KCND3: variants seen among roughly 807,000 people sequenced by gnomAD.
KCND3 encodes the protein A-type voltage-gated potassium channel KCND3.
KCND3 carries 9 observed loss-of-function variants against 51.1 expected under a neutral mutation model. That is an observed-to-expected ratio of 0.18 (90% confidence interval 0.11 to 0.31). The LOEUF is 0.31. Ranked by LOEUF, KCND3 falls within the 10% of genes least tolerant of loss-of-function variation. KCND3 has a pLI of 1.00. For synonymous variants in KCND3, 349 were observed against 368.0 expected (o/e 0.95, Z 0.59); for missense variants, 526 against 903.8 (o/e 0.58, Z 5.36).
rs1674929782 is a variant in KCND3 at position 111,981,240 on chromosome 1, T to G, written c.1106+381A>C. 6.6e-6 allele frequency among the ~76,000 whole-genome samples: 1 copy of G among 151,882 alleles called. No homozygotes were observed. The highest frequency in any genetic ancestry group is 2.1e-4 in the South Asian group (1 of 4,786). ...CCCTCCGAACTTCTCAACAGTCTCC[T>G]CCCTCCCCAACAACTGCCCTGACCT... is the stretch of plus-strand genomic sequence containing the variant. On this transcript the variant is annotated intron_variant, in intron 2 of 7. Coordinates refer to ENST00000302127, the MANE Select transcript of KCND3 (RefSeq NM_001378969.1). This position sits in a 1 kb window ranked among gnomAD's most constrained non-coding sequence, Gnocchi z 6.2.
In KCND3 at chr1:111,982,581, C is replaced by T. The variant is rs760055752; in HGVS notation, c.146G>A (p.Arg49Gln). The T allele has an allele frequency of 1.9e-6, 3 of 1,612,814 alleles. No homozygotes were observed. Among genetic ancestry groups the T allele is most frequent in the Non-Finnish European group, 2.5e-6 (3 of 1,179,012 alleles). Reference protein sequence around the residue: ...DELIVLNVSGRRFQTWRTTLE... With the variant: ...DELIVLNVSGQRFQTWRTTLE... ...CGTGGTCCTCCAGGTCTGGAACCTC[C>T]GCCCACTCACGTTGAGGACAATCAG... The change falls in exon 2 of 8, where the codon CGG becomes CAG. Residue 49 changes from arginine to glutamine, a missense_variant. This residue lies in a region of KCND3 where 159 missense variants were observed against 262.8 expected (regional missense o/e 0.61). Coordinates refer to ENST00000302127, the MANE Select transcript of KCND3 (RefSeq NM_001378969.1). This position sits in a 1 kb window ranked among gnomAD's most constrained non-coding sequence, Gnocchi z 8.5.
chr1:111,777,628 T>C (rs1571622389), intron 6 of KCND3, among the ~76,000 whole-genome samples: 1 of 152,198 alleles, frequency 6.6e-6, no homozygotes, highest in African/African-American at 2.4e-5. Context: ...TTCCAGGCTT[T>C]GTACAAGATC....
intron 2 of KCND3, among the ~76,000 whole-genome samples, chr1:111,811,518 C>G (rs1357262102): frequency 6.6e-6 from 1 of 152,132 alleles, no homozygotes; most frequent in Non-Finnish European, 1.5e-5. Flanking sequence ...GCTGTGGGGA[C>G]TGGCTAAGGG....
At chr1:111,978,602 CAAG>C (rs532246240) in intron 2 of KCND3, among the ~76,000 whole-genome samples, 7 of 152,270 alleles carry the variant, frequency 4.6e-5, no homozygotes, top group Admixed American at 3.3e-4. Flanking sequence ...CCAGTAAAGA[CAAG>C]AAGATCTCCA....
intron 2 of KCND3, among the ~76,000 whole-genome samples, chr1:111,915,609 TG>T (rs1553177835): frequency 1.3e-5 from 2 of 151,554 alleles, no homozygotes; most frequent in Non-Finnish European, 2.9e-5. Flanking sequence ...AAAAATCAGC[TG>T]GGCGTGGTGG....
At chr1:111,886,496 G>C (rs1461515482) in intron 2 of KCND3, among the ~76,000 whole-genome samples, 1 of 152,204 alleles carries the variant, frequency 6.6e-6, no homozygotes, top group Non-Finnish European at 1.5e-5. Flanking sequence ...ACATTTGAAG[G>C]CTTGTCCTGT....
chr1:111,941,492 C>A (rs915105604), intron 2 of KCND3, among the ~76,000 whole-genome samples: 1 of 152,296 alleles, frequency 6.6e-6, no homozygotes, highest in Admixed American at 6.5e-5. Context: ...TAAATCAGGG[C>A]CTTGTTTTAC....
intron 2 of KCND3, among the ~76,000 whole-genome samples, chr1:111,948,733 G>C (rs1182596363): frequency 6.6e-6 from 1 of 152,088 alleles, no homozygotes; most frequent in African/African-American, 2.4e-5. Context: ...CTGCCAGGAG[G>C]GCTGGGCAAG....
At chr1:111,955,872 A>G (rs918943997) in intron 2 of KCND3, among the ~76,000 whole-genome samples, 2 of 152,184 alleles carry the variant, frequency 1.3e-5, no homozygotes, top group Non-Finnish European at 2.9e-5. Context: ...GAAACAAACA[A>G]TCTGGCTGAG....
rs149197466 is a variant in KCND3, at chr1:111,943,921, A to G, written c.1106+37700T>C. Reference sequence around the variant, plus strand: ...TTTCGTTTTCTTTCCCATTACTCCAAGCTAAACCCAGCCGGGGCCGCACAC... The same window carrying G: ...TTTCGTTTTCTTTCCCATTACTCCAGGCTAAACCCAGCCGGGGCCGCACAC... On this transcript the variant is annotated intron_variant, in intron 2 of 7. Coordinates refer to ENST00000302127, the MANE Select transcript of KCND3 (RefSeq NM_001378969.1). Among the ~76,000 whole-genome samples the G allele has an allele frequency of 1.8e-3, 276 of 152,314 alleles. 3 individuals carry two copies. Among genetic ancestry groups the G allele is most frequent in the African/African-American group, 6.4e-3 (267 of 41,556 alleles).
chr1:111,955,514 T>TG (rs1162006876), intron 2 of KCND3, among the ~76,000 whole-genome samples: 2 of 152,186 alleles, frequency 1.3e-5, no homozygotes, highest in South Asian at 2.1e-4. Flanking sequence ...TTCTGCTGGA[T>TG]GGGGGGCCAC....
intron 2 of KCND3, among the ~76,000 whole-genome samples, chr1:111,878,440 C>T (rs1669155783): frequency 6.6e-6 from 1 of 152,232 alleles, no homozygotes; most frequent in African/African-American, 2.4e-5. Flanking sequence ...GTGGCGCCCG[C>T]CCAAGGCAAC....
intron 2 of KCND3, among the ~76,000 whole-genome samples, chr1:111,921,904 G>A (rs1337824551): frequency 6.6e-6 from 1 of 152,126 alleles, no homozygotes; most frequent in African/African-American, 2.4e-5. Flanking sequence ...GAGCTCCTGG[G>A]GAGATAATGT....
intron 3 of KCND3, among the ~76,000 whole-genome samples, chr1:111,781,463 G>T (rs574244710): frequency 1.3e-5 from 2 of 152,278 alleles, no homozygotes; most frequent in African/African-American, 4.8e-5. Context: ...GATTTTTAAA[G>T]TTAATAAACA....
chr1:111,892,183 G>C (rs1277907454), intron 2 of KCND3, among the ~76,000 whole-genome samples: 1 of 152,214 alleles, frequency 6.6e-6, no homozygotes, highest in African/African-American at 2.4e-5. Context: ...AGGTGTTTCA[G>C]GTGGCAGAGC....
chr1:111,911,514 C>T (rs1007066516), intron 2 of KCND3, among the ~76,000 whole-genome samples: 9 of 152,160 alleles, frequency 5.9e-5, no homozygotes, highest in Admixed American at 1.3e-4. Flanking sequence ...CATTCAACAA[C>T]GTTTATTGAG....
Position 111,776,945 on chromosome 1 carries a change from G to A in KCND3, c.1766+81C>T, listed in dbSNP as rs879742554. On this transcript the variant is annotated intron_variant, in intron 7 of 7. Transcript: ENST00000302127. ...GGGGAGCGGCTAGAGGATCCTCAAGGTTCTCCTAATGCTGCAATTGTCTAA... is the reference window on the plus strand; with the variant it reads ...GGGGAGCGGCTAGAGGATCCTCAAGATTCTCCTAATGCTGCAATTGTCTAA... 6.3e-5 allele frequency: 100 copies of A among 1,599,422 alleles called. No homozygotes were observed. The Admixed American group carries it at 1.7e-3, about 27-fold the overall frequency.
chr1:111,966,729 C>G (rs995198232), intron 2 of KCND3, among the ~76,000 whole-genome samples: 3 of 152,186 alleles, frequency 2.0e-5, no homozygotes, highest in African/African-American at 7.2e-5. Context: ...ATAACAGAAC[C>G]TTCCAGGTTC....
intron 2 of KCND3, among the ~76,000 whole-genome samples, chr1:111,794,376 G>T (rs1041604192): frequency 6.6e-6 from 1 of 152,202 alleles, no homozygotes; most frequent in African/African-American, 2.4e-5. Context: ...GGCTGCCTGT[G>T]TGGTGGGGAG....
Sources: allele counts gnomAD v4.1 joint callset (sites outside exome capture counted in the v4.1 genomes callset), GRCh38; gene constraint gnomAD v4.1.1; regional missense constraint gnomAD v4.1.1; non-coding constraint Gnocchi (gnomAD v3.1); transcripts MANE v1.5; gene names NCBI Gene and HGNC (gene_info 2026-07-23, HGNC 2026-07-21).